The following PRR12 variants were observed in gnomAD, a reference collection of about 807,000 sequenced individuals.
The protein encoded by PRR12 is proline-rich protein 12.
A neutral mutation model predicts 138.0 loss-of-function variants in PRR12; 12 were observed. The observed-to-expected ratio is 0.09, with a 90% CI of 0.06 to 0.14. The LOEUF (loss-of-function observed/expected upper bound fraction) is 0.14. PRR12 is among the 10% of genes least tolerant of loss of function. The probability of loss-of-function intolerance (pLI) is 1.00; values close to 1 mark genes in which losing one functional copy is unlikely to be tolerated. For missense variants in PRR12, 2,692 were observed against 2,861.3 expected (o/e 0.94, Z 1.35); for synonymous variants, 1,567 against 1,291.7 (o/e 1.21, Z -4.57).
chr19:49,607,958 G>T (rs1247285818), intron 6 of PRR12, among the ~76,000 whole-genome samples: 1 of 152,086 alleles, frequency 6.6e-6, no homozygotes, highest in Admixed American at 6.6e-5. Context: ...GGCGGAGGTT[G>T]CAGTGAGCCG....
intron 6 of PRR12, among the ~76,000 whole-genome samples, chr19:49,611,790 G>A (rs903164877): frequency 1.4e-5 from 2 of 147,414 alleles, no homozygotes; most frequent in African/African-American, 2.6e-5. Context: ...GGGCGTGGTG[G>A]CGGGCGCCTG....
chr19:49,613,225 C>T (rs1410787719), intron 6 of PRR12, among the ~76,000 whole-genome samples: 4 of 150,584 alleles, frequency 2.7e-5, no homozygotes, highest in East Asian at 2.0e-4. Flanking sequence ...ATCCCAGCTA[C>T]TAAGGAGGCT....
intron 9 of PRR12, among the ~76,000 whole-genome samples, chr19:49,620,004 C>T (rs1468390690): frequency 6.6e-6 from 1 of 151,968 alleles, no homozygotes; most frequent in Non-Finnish European, 1.5e-5. Flanking sequence ...AGGCGTGTGC[C>T]ACCACGCCTG....
In PRR12 at chr19:49,594,869, A is replaced by G; in HGVS notation, c.534A>G (p.Pro178=). The change falls in exon 4 of 14, where the codon CCA becomes CCG. Residue 178 remains proline (P), a synonymous_variant. Transcript: ENST00000418929. The surrounding 1 kb of genome is among the most constrained non-coding windows in gnomAD (Gnocchi z 5.6). ...TCCAGGACCCCCCATTCAGCCCTCC[A>G]GCTAACGGGCTCCTGTCCCCTCATG... ...LSLQDPPFSP[P]ANGLLSPHDV... The G allele has an allele frequency of 6.2e-7, 1 of 1,611,136 alleles. No homozygotes were observed. Among genetic ancestry groups the G allele is most frequent in the Non-Finnish European group, 8.5e-7 (1 of 1,178,998 alleles).
At position 49,625,791 on chromosome 19, in the gene PRR12, C is replaced by G; in HGVS notation, c.*184C>G. 1.7e-6 allele frequency: 1 copy of G among 579,478 alleles called. No homozygotes were observed. The highest frequency in any genetic ancestry group is 2.8e-6 in the Non-Finnish European group (1 of 356,870). 35.9% of individuals were successfully genotyped at this position (579,478 alleles called of 1,614,324 possible). ...CGACTCCCCCCCTCTCCCAAGCCCC[C>G]TCCACTCCCTCCCCATTCCTCCCAC... On this transcript the variant is annotated 3_prime_UTR_variant, in exon 14 of 14. Coordinates refer to ENST00000418929, the MANE Select transcript of PRR12 (RefSeq NM_020719.3). This position sits in a 1 kb window ranked among gnomAD's most constrained non-coding sequence, Gnocchi z 5.5.
chr19:49,625,401 C>A lies in PRR12; in HGVS notation c.5965-60C>A, dbSNP rs1472098859. 2 of 1,511,552 alleles carry A rather than the reference C, an allele frequency of 1.3e-6. No homozygotes were observed. The highest frequency in any genetic ancestry group is 2.5e-5 in the South Asian group (2 of 79,208). The allele number at this position is 1,511,552 out of a possible 1,614,324, so 93.6% of individuals were successfully genotyped here. A position where few individuals can be genotyped will look rare whatever the true frequency, so the allele number is the denominator to read the frequency against. On this transcript the variant is annotated intron_variant, in intron 13 of 13. Transcript: ENST00000418929. This position sits in a 1 kb window ranked among gnomAD's most constrained non-coding sequence, Gnocchi z 5.5. ...GACACCCCAGGCCCCATGCCCCAGCCCCTTCCCTCCCCAGAGGCCGGTGTG... is the reference window on the plus strand; with the variant it reads ...GACACCCCAGGCCCCATGCCCCAGCACCTTCCCTCCCCAGAGGCCGGTGTG...
At chr19:49,598,181 C>T (rs1361090740) in intron 4 of PRR12, among the ~76,000 whole-genome samples, 168 bp downstream of exon 4, 1 of 151,700 alleles carries the variant, frequency 6.6e-6, no homozygotes, top group African/African-American at 2.4e-5. Flanking sequence ...TCACGCCATT[C>T]TCCTGCCTCA....
intron 6 of PRR12, among the ~76,000 whole-genome samples, chr19:49,611,901 C>T (rs1426489340): frequency 3.4e-5 from 4 of 118,602 alleles, no homozygotes; most frequent in Admixed American, 8.7e-5. Flanking sequence ...CCAGCCTGGG[C>T]GACAGAGCGA....
chr19:49,619,472 T>TG (rs1414777210), intron 9 of PRR12, among the ~76,000 whole-genome samples: 10 of 150,092 alleles, frequency 6.7e-5, no homozygotes, highest in African/African-American at 2.5e-4. Flanking sequence ...CGACCTCAGG[T>TG]GATCCACTTG....
In PRR12 at chr19:49,595,307, C is replaced by A; in HGVS notation, c.972C>A (p.Gly324=). Residue 324 remains glycine (G), a synonymous_variant, in exon 4 of 14, where the codon GGC becomes GGA. Coordinates refer to ENST00000418929, the MANE Select transcript of PRR12 (RefSeq NM_020719.3). ...LSCGGSYPSM[G]HRANLACSPL... is the part of the protein sequence containing the mutation. Reference sequence around the variant, plus strand: ...GTGGAGGCAGCTACCCCTCCATGGGCCACCGGGCCAACCTGGCCTGCAGCC... The same window carrying A: ...GTGGAGGCAGCTACCCCTCCATGGGACACCGGGCCAACCTGGCCTGCAGCC... The A allele has an allele frequency of 6.5e-7, 1 of 1,545,100 alleles. No homozygotes were observed.
At chr19:49,617,377 C>A (rs1375337481) in intron 9 of PRR12, among the ~76,000 whole-genome samples, 2 of 152,256 alleles carry the variant, frequency 1.3e-5, no homozygotes, top group South Asian at 2.1e-4. Context: ...CCGGTAATCC[C>A]TTCACTTTGG....
chr19:49,611,839 C>A (rs1259975193), intron 6 of PRR12, among the ~76,000 whole-genome samples: 1 of 138,312 alleles, frequency 7.2e-6, no homozygotes, highest in Non-Finnish European at 1.5e-5. Context: ...AGGAGAATGG[C>A]GTGAACCCGG....
At chr19:49,611,296 A>G (rs2122344431) in intron 6 of PRR12, among the ~76,000 whole-genome samples, 1 of 151,818 alleles carries the variant, frequency 6.6e-6, no homozygotes, top group East Asian at 2.0e-4. Context: ...GTGCCACTGC[A>G]CTCCAGCCTG....
Position 49,596,330 on chromosome 19 carries a change from C to T in PRR12, c.1995C>T (p.Asp665=), listed in dbSNP as rs367568294. Residue 665 remains aspartate, a synonymous_variant, in exon 4 of 14, where the codon GAC becomes GAT. Transcript: ENST00000418929. The surrounding 1 kb of genome is among the most constrained non-coding windows in gnomAD (Gnocchi z 5.6). ...GGGCGGACGGCTTGGTGGGCGAGGA[C>T]GGGGCAGCAGATGCCTCTAAGGGAC... is the stretch of plus-strand genomic sequence containing the variant. The part of the protein sequence containing the change: ...TSGADGLVGE[D]GAADASKGLG... 1.0e-4 allele frequency: 168 copies of T among 1,609,646 alleles called. No homozygotes were observed. Among genetic ancestry groups the T allele is most frequent in the East Asian group, 6.5e-4 (29 of 44,800 alleles).
At chr19:49,601,470 T>C (rs993019207) in intron 5 of PRR12, 21 bp from the exon 6 acceptor site, 5 of 1,383,080 alleles carry the variant, frequency 3.6e-6, no homozygotes, top group African/African-American at 1.4e-5. Flanking sequence ...CATCCAGGCC[T>C]GATGTCCCTG....
At chr19:49,615,655 A>C in intron 8 of PRR12, 92 bp from the exon 9 acceptor site, 2 of 1,026,786 alleles carry the variant, frequency 1.9e-6, no homozygotes, top group Non-Finnish European at 2.9e-6. Context: ...GAGAGAAGCT[A>C]TTCCTGTGCC....
chr19:49,609,882 C>T (rs2080856928), intron 6 of PRR12, among the ~76,000 whole-genome samples: 1 of 152,182 alleles, frequency 6.6e-6, no homozygotes. Context: ...AGGGAAGTGA[C>T]TGGGGAGTTG....
rs1334821586 is a variant in PRR12, at chr19:49,620,458, G to A, written c.5604G>A (p.Gln1868=). The change falls in exon 10 of 14, where the codon CAG becomes CAA. Residue 1868 remains glutamine, a synonymous_variant. Coordinates refer to ENST00000418929, the MANE Select transcript of PRR12 (RefSeq NM_020719.3). ...VSTALDPDMI[Q]ALEDTHDELY... ...CAGCACTTGACCCAGACATGATCCA[G>A]GCCCTGGAGGACACGCATGGTGAGC... The A allele has an allele frequency of 6.4e-7, 1 of 1,571,368 alleles. No individual in the cohort carries two copies. The highest frequency in any genetic ancestry group is 1.9e-5 in the Admixed American group (1 of 52,586).
chr19:49,596,730 C>G lies in PRR12; in HGVS notation c.2395C>G (p.Pro799Ala). 1 of 1,605,292 alleles carries G rather than the reference C, an allele frequency of 6.2e-7. No individual in the cohort carries two copies. Among genetic ancestry groups the G allele is most frequent in the Non-Finnish European group, 8.5e-7 (1 of 1,178,810 alleles). ...DLPLVLPPPP[P>A]QLLPSVLSHA... ...CCCACTGGTGCTGCCTCCGCCTCCC[C>G]CCCAGCTGCTCCCCTCGGTCCTCAG... The change falls in exon 4 of 14, where the codon CCC becomes GCC. Residue 799 changes from proline to alanine, a missense_variant. By Grantham distance (27) the Pro-to-Ala change is conservative. Transcript: ENST00000418929. The surrounding 1 kb of genome is among the most constrained non-coding windows in gnomAD (Gnocchi z 5.6).
Sources: allele counts gnomAD v4.1 joint callset (sites outside exome capture counted in the v4.1 genomes callset), GRCh38; gene constraint gnomAD v4.1.1; non-coding constraint Gnocchi (gnomAD v3.1); transcripts MANE v1.5; gene names NCBI Gene and HGNC (gene_info 2026-07-23, HGNC 2026-07-21).